Variants in BORCS5 observed in about 807,000 individuals in gnomAD.
The protein encoded by BORCS5 is BLOC-1 related complex subunit 5.
A neutral mutation model predicts 22.1 loss-of-function variants in BORCS5; 17 were observed. The observed-to-expected ratio is 0.77, with a 90% CI of 0.53 to 1.15. The LOEUF (loss-of-function observed/expected upper bound fraction) is 1.15, where lower values mean the gene tolerates loss of function less well. Among genes scored for constraint, BORCS5 ranks in the 50% most tolerant of loss-of-function variants. The pLI is 0.00. For missense variants in BORCS5, 247 were observed against 253.2 expected, an observed-to-expected ratio of 0.98 and a Z score of 0.17; for synonymous variants, 117 against 99.8, an observed-to-expected ratio of 1.17 and a Z score of -1.03.
intron 3 of BORCS5, among the ~76,000 whole-genome samples, chr12:12,455,433 C>T (rs1360128881): frequency 1.3e-5 from 2 of 152,152 alleles, no homozygotes; most frequent in Non-Finnish European, 2.9e-5. Flanking sequence ...ACAGACACCA[C>T]ATTAAAAGCT....
intron 2 of BORCS5, among the ~76,000 whole-genome samples, chr12:12,417,617 A>C (rs146478287): frequency 1.8e-4 from 28 of 152,194 alleles, no homozygotes; most frequent in Middle Eastern, 3.4e-3. Flanking sequence ...TTGCTTGACA[A>C]ATTTTGATGG....
intron 1 of BORCS5, among the ~76,000 whole-genome samples, chr12:12,358,694 A>G (rs972273425): frequency 2.0e-5 from 3 of 152,194 alleles, no homozygotes; most frequent in African/African-American, 7.2e-5. Context: ...ATACATTTAC[A>G]TATAATTTTT....
intron 2 of BORCS5, among the ~76,000 whole-genome samples, chr12:12,423,920 C>A (rs1264430210): frequency 6.6e-6 from 1 of 152,232 alleles, no homozygotes; most frequent in South Asian, 2.1e-4. Flanking sequence ...AAACTCCTGA[C>A]CTCAAGTGAT....
intron 2 of BORCS5, among the ~76,000 whole-genome samples, chr12:12,387,826 C>T (rs1863915388): frequency 6.6e-6 from 1 of 151,450 alleles, no homozygotes; most frequent in African/African-American, 2.4e-5. Context: ...ATCCACAGTT[C>T]AGTGTCACAT....
intron 2 of BORCS5, among the ~76,000 whole-genome samples, chr12:12,413,950 C>G: frequency 1.7e-5 from 1 of 59,580 alleles, no homozygotes; most frequent in South Asian, 4.0e-4. Context: ...CCCCCACCTC[C>G]CTCCCGGACG....
intron 2 of BORCS5, among the ~76,000 whole-genome samples, chr12:12,381,046 C>G (rs1206919951): frequency 7.2e-6 from 1 of 139,014 alleles, no homozygotes; most frequent in East Asian, 2.1e-4. Flanking sequence ...GAGTCTCACT[C>G]TGTCGCCCAG....
At chr12:12,434,651 A>G (rs1481627450) in intron 2 of BORCS5, among the ~76,000 whole-genome samples, 1 of 152,222 alleles carries the variant, frequency 6.6e-6, no homozygotes, top group Non-Finnish European at 1.5e-5. Flanking sequence ...AACCAGTGGC[A>G]TCATTTCACT....
intron 2 of BORCS5, among the ~76,000 whole-genome samples, chr12:12,406,381 G>A (rs1044654387): frequency 6.6e-6 from 1 of 152,214 alleles, no homozygotes; most frequent in Admixed American, 6.5e-5. Flanking sequence ...AACTTTTTAG[G>A]CTACTACTAA....
At chr12:12,455,824 T>G (rs1323572201) in intron 3 of BORCS5, among the ~76,000 whole-genome samples, 1 of 152,078 alleles carries the variant, frequency 6.6e-6, no homozygotes, top group Non-Finnish European at 1.5e-5. Context: ...TATGCAGTCT[T>G]TTTTGTTTTT....
chr12:12,452,396 T>G (rs1942927517), intron 3 of BORCS5: 1 of 580,878 alleles, frequency 1.7e-6, no homozygotes, highest in South Asian at 1.4e-5. Context: ...AAAACATTTG[T>G]CTAATGTTTC....
chr12:12,392,312 G>A lies in BORCS5; in HGVS notation c.202+30963G>A, dbSNP rs114968558. ...CAAGATCCTAAGGCCAATATACGAC[G>A]TTTTCGATCTCTGAATTATCTCCAA... On this transcript the variant is annotated intron_variant, in intron 2 of 3. Transcript: ENST00000314565. Among the ~76,000 whole-genome samples, 104 of 152,044 alleles carry A rather than the reference G, an allele frequency of 6.8e-4. 3 individuals carry two copies. Among genetic ancestry groups the A allele is most frequent in the African/African-American group, 2.3e-3 (97 of 41,432 alleles).
At position 12,465,754 on chromosome 12, in the gene BORCS5, C is replaced by T; in HGVS notation, c.569C>T (p.Pro190Leu). 1 of 1,613,280 alleles carries T rather than the reference C, an allele frequency of 6.2e-7. No individual in the cohort carries two copies. Among genetic ancestry groups the T allele is most frequent in the Non-Finnish European group, 8.5e-7 (1 of 1,179,846 alleles). The change falls in exon 4 of 4, where the codon CCC becomes CTC. Residue 190 changes from proline (P) to leucine (L), a missense_variant. Transcript: ENST00000314565. ...GERLEPFSMK[P>L]DRELRL is the part of the protein sequence containing the mutation. ...CGGCTGGAGCCCTTCAGCATGAAGC[C>T]CGACCGCGAGCTCAGGCTGTAGCTG...
chr12:12,450,037 G>T (rs1029657655), intron 3 of BORCS5, among the ~76,000 whole-genome samples: 7 of 152,192 alleles, frequency 4.6e-5, no homozygotes, highest in Non-Finnish European at 8.8e-5. Context: ...GTCTTGAAAA[G>T]CTTCACTTTA....
At chr12:12,453,442 T>C (rs571223659) in intron 3 of BORCS5, among the ~76,000 whole-genome samples, 3 of 152,318 alleles carry the variant, frequency 2.0e-5, no homozygotes, top group Non-Finnish European at 4.4e-5. Flanking sequence ...GGATTAAAAA[T>C]GTTTTACTTA....
At chr12:12,451,768 A>C (rs563657098) in intron 3 of BORCS5, among the ~76,000 whole-genome samples, 1 of 152,234 alleles carries the variant, frequency 6.6e-6, no homozygotes, top group East Asian at 1.9e-4. Context: ...AAGTACAAAA[A>C]TTAGCTGGGC....
chr12:12,460,637 A>T (rs1943086718), intron 3 of BORCS5, among the ~76,000 whole-genome samples: 1 of 152,222 alleles, frequency 6.6e-6, no homozygotes, highest in South Asian at 2.1e-4. Flanking sequence ...GATGCACTTT[A>T]TCAGGTTGAG....
chr12:12,416,562 G>C (rs1941961429), intron 2 of BORCS5, among the ~76,000 whole-genome samples: 1 of 151,798 alleles, frequency 6.6e-6, no homozygotes, highest in South Asian at 2.1e-4. Flanking sequence ...TTCTACCTCA[G>C]CCTCCCAGTA....
At chr12:12,357,913 A>G (rs530632032) in intron 1 of BORCS5, among the ~76,000 whole-genome samples, 1 of 152,286 alleles carries the variant, frequency 6.6e-6, no homozygotes, top group East Asian at 1.9e-4. Flanking sequence ...CCTTTTCTGA[A>G]GGGATATGTG....
intron 1 of BORCS5, among the ~76,000 whole-genome samples, chr12:12,357,806 G>T (rs192882223): frequency 1.3e-5 from 2 of 152,322 alleles, no homozygotes; most frequent in East Asian, 3.9e-4. Flanking sequence ...TTTGGCTCTA[G>T]TGCTCATGGC....
Sources: allele counts gnomAD v4.1 joint callset (sites outside exome capture counted in the v4.1 genomes callset), GRCh38; gene constraint gnomAD v4.1.1; transcripts MANE v1.5; gene names NCBI Gene and HGNC (gene_info 2026-07-23, HGNC 2026-07-21).